Variants in SCAMP1 observed in about 807,000 individuals in gnomAD.
SCAMP1 encodes the protein secretory carrier-associated membrane protein 1.
SCAMP1 carries 15 observed loss-of-function variants against 41.8 expected under a neutral mutation model. That is an observed-to-expected ratio of 0.36 (90% CI 0.24 to 0.55). The LOEUF (loss-of-function observed/expected upper bound fraction) is 0.55, where lower values mean the gene tolerates loss of function less well. Among genes scored for constraint, SCAMP1 ranks in the 20% least tolerant of loss-of-function variants. SCAMP1 has a pLI of 0.86. For missense variants in SCAMP1, 341 were observed against 412.6 expected (o/e 0.83, Z 1.50); for synonymous variants, 135 against 136.8 (o/e 0.99, Z 0.09).
chr5:78,416,656 T>C lies in SCAMP1; in HGVS notation c.343+7T>C, dbSNP rs1476514031. The stretch of plus-strand genomic sequence containing the variant: ...CAAAACCTCAGTCAACATGGTAGTA[T>C]CCAAAGAAATTTGAAATAAAAATAA... On this transcript the variant is annotated splice_region_variant and intron_variant, in intron 4 of 8. Transcript: ENST00000621999. The C allele has an allele frequency of 9.6e-6, 15 of 1,555,572 alleles. No homozygotes were observed. Among genetic ancestry groups the C allele is most frequent in the Non-Finnish European group, 1.2e-5 (14 of 1,148,472 alleles).
Position 78,480,406 on chromosome 5 carries a change from G to C in SCAMP1, c.*4738G>C, listed in dbSNP as rs1424625036. Among the ~76,000 whole-genome samples the C allele has an allele frequency of 6.6e-6, 1 of 152,160 alleles. No individual in the cohort carries two copies. Among genetic ancestry groups the C allele is most frequent in the African/African-American group, 2.4e-5 (1 of 41,438 alleles). On this transcript the variant is annotated 3_prime_UTR_variant, in exon 9 of 9. Transcript: ENST00000621999. ...AGTTATTTTCAGTGCTTACTTAAAT[G>C]TAATTCTAGAATTCCTCCACAACTT... is the stretch of plus-strand genomic sequence containing the variant.
chr5:78,369,054 A>G (rs1208334487), intron 1 of SCAMP1, among the ~76,000 whole-genome samples: 1 of 151,884 alleles, frequency 6.6e-6, no homozygotes, highest in Non-Finnish European at 1.5e-5. Flanking sequence ...GGGAGACCCA[A>G]GGAGAGGGAC....
Position 78,422,036 on chromosome 5 carries a change from A to C in SCAMP1, c.632+76A>C, listed in dbSNP as rs902394053. 5.3e-5 allele frequency: 66 copies of C among 1,250,658 alleles called. No homozygotes were observed. In the African/African-American group the frequency reaches 9.4e-4, roughly 18 times the overall value. 77.5% of individuals were successfully genotyped at this position (1,250,658 alleles called of 1,614,324 possible). ...AATTCGTAGTATACATTAAAGGGAA[A>C]ATTGATGCATTTTCATTAAAAAATT... On this transcript the variant is annotated intron_variant, in intron 6 of 8. Transcript: ENST00000621999.
At chr5:78,412,474 C>T (rs1376881967) in intron 2 of SCAMP1, among the ~76,000 whole-genome samples, 1 of 151,930 alleles carries the variant, frequency 6.6e-6, no homozygotes, top group East Asian at 1.9e-4. Context: ...AATAATTCTC[C>T]CAACAGCATT....
At chr5:78,384,471 G>C (rs1751293249) in intron 1 of SCAMP1, among the ~76,000 whole-genome samples, 1 of 151,890 alleles carries the variant, frequency 6.6e-6, no homozygotes, top group South Asian at 2.1e-4. Context: ...AATTCCTCTG[G>C]CTAGGACTTC....
chr5:78,406,718 G>A (rs1327778511), intron 2 of SCAMP1, among the ~76,000 whole-genome samples: 2 of 152,106 alleles, frequency 1.3e-5, no homozygotes, highest in Non-Finnish European at 2.9e-5. Flanking sequence ...AATGTAGTAA[G>A]GTAATTCGTG....
chr5:78,439,807 T>C (rs1299859130), intron 6 of SCAMP1, among the ~76,000 whole-genome samples: 6 of 152,192 alleles, frequency 3.9e-5, no homozygotes, highest in Non-Finnish European at 7.4e-5. Context: ...TCCTTTAGAG[T>C]GTTATACAAC....
At chr5:78,450,754 C>T (rs1365789295) in intron 7 of SCAMP1, among the ~76,000 whole-genome samples, 1 of 152,166 alleles carries the variant, frequency 6.6e-6, no homozygotes, top group Non-Finnish European at 1.5e-5. Flanking sequence ...ATGTGTGATG[C>T]AACTTTGTTC....
At chr5:78,450,506 A>T (rs149847199) in intron 7 of SCAMP1, among the ~76,000 whole-genome samples, 1 of 152,204 alleles carries the variant, frequency 6.6e-6, no homozygotes, top group East Asian at 1.9e-4. Context: ...TTATATACAT[A>T]TATCTTTAAA....
chr5:78,397,851 G>A (rs2112103332), intron 2 of SCAMP1, among the ~76,000 whole-genome samples: 1 of 152,298 alleles, frequency 6.6e-6, no homozygotes, highest in South Asian at 2.1e-4. Context: ...GTGAAAAAAT[G>A]TTCAACATTG....
chr5:78,421,294 A>G (rs1471129987), intron 5 of SCAMP1, among the ~76,000 whole-genome samples: 1 of 152,196 alleles, frequency 6.6e-6, no homozygotes, highest in Non-Finnish European at 1.5e-5. Flanking sequence ...TTACAAATGG[A>G]CAGCTCTATG....
intron 2 of SCAMP1, among the ~76,000 whole-genome samples, chr5:78,410,843 C>G (rs938426570): frequency 1.3e-5 from 2 of 152,142 alleles, no homozygotes; most frequent in African/African-American, 2.4e-5. Context: ...ACCATTCTGA[C>G]TGGTGTGAGA....
chr5:78,426,725 T>A (rs1561271352), intron 6 of SCAMP1, among the ~76,000 whole-genome samples: 1 of 152,220 alleles, frequency 6.6e-6, no homozygotes, highest in Non-Finnish European at 1.5e-5. Flanking sequence ...ACAATTCTCA[T>A]TCCTTTCCCC....
intron 1 of SCAMP1, among the ~76,000 whole-genome samples, chr5:78,376,223 T>G (rs1751061812): frequency 6.6e-6 from 1 of 152,202 alleles, no homozygotes; most frequent in East Asian, 1.9e-4. Flanking sequence ...GAACTTACGT[T>G]GAAATATTGG....
At chr5:78,438,841 G>A (rs1393048867) in intron 6 of SCAMP1, among the ~76,000 whole-genome samples, 1 of 152,106 alleles carries the variant, frequency 6.6e-6, no homozygotes, top group Non-Finnish European at 1.5e-5. Flanking sequence ...ATTATTGTGT[G>A]GGAGTCTAAG....
chr5:78,459,049 A>G (rs1389029090), intron 7 of SCAMP1, among the ~76,000 whole-genome samples, 196 bp from the exon 8 acceptor site: 4 of 152,188 alleles, frequency 2.6e-5, no homozygotes. Flanking sequence ...TGAATGTCTC[A>G]GTTCCTCATT....
At chr5:78,364,042 A>G (rs1750733184) in intron 1 of SCAMP1, among the ~76,000 whole-genome samples, 1 of 152,260 alleles carries the variant, frequency 6.6e-6, no homozygotes, top group South Asian at 2.1e-4. Context: ...TATTTTCTGT[A>G]TAGTCAACAT....
At chr5:78,465,240 A>ACC (rs373627808) in intron 8 of SCAMP1, among the ~76,000 whole-genome samples, 1 of 151,982 alleles carries the variant, frequency 6.6e-6, no homozygotes, top group Admixed American at 6.6e-5. Context: ...GCTGTTAAGC[A>ACC]CCCCCCGCGT....
chr5:78,446,356 A>T (rs1753051904), intron 6 of SCAMP1, among the ~76,000 whole-genome samples: 1 of 152,190 alleles, frequency 6.6e-6, no homozygotes, highest in Non-Finnish European at 1.5e-5. Context: ...GTGTCTAAGA[A>T]TTTGGAACAA....
Sources: allele counts gnomAD v4.1 joint callset (sites outside exome capture counted in the v4.1 genomes callset), GRCh38; gene constraint gnomAD v4.1.1; transcripts MANE v1.5; gene names NCBI Gene and HGNC (gene_info 2026-07-23, HGNC 2026-07-21).